The following CSMD2 variants were observed in gnomAD, a reference collection of about 807,000 sequenced individuals.
CSMD2 encodes the protein CUB and Sushi multiple domains 2.
CSMD2 carries 130 observed loss-of-function variants against 398.5 expected under a neutral mutation model. The ratio of observed to expected loss-of-function variants is 0.33; its 90% CI spans 0.28 to 0.38. The LOEUF (loss-of-function observed/expected upper bound fraction) is 0.38. Ranked by LOEUF, CSMD2 falls within the 10% of genes least tolerant of loss-of-function variation. CSMD2 has a pLI of 1.00. For missense variants in CSMD2, 3,829 were observed against 4,764.9 expected (o/e 0.80, Z 5.78); for synonymous variants, 1,828 against 1,908.5 (o/e 0.96, Z 1.10).
chr1:34,032,469 G>A lies in CSMD2; in HGVS notation c.517+125C>T, dbSNP rs1650571641. 21 of 589,026 alleles carry A rather than the reference G, an allele frequency of 3.6e-5. No individual in the cohort carries two copies. The East Asian group carries it at 6.8e-4, about 19-fold the overall frequency. The allele number at this position is 589,026 out of a possible 1,614,324, so 36.5% of individuals were successfully genotyped here. A position where few individuals can be genotyped will look rare whatever the true frequency, so the allele number is the denominator to read the frequency against. ...GAGTTACTGGTTAGTAACCAGCCTT[G>A]TCAGGACAGGCGCAAGCTCTGGGTC... On this transcript the variant is annotated intron_variant, in intron 3 of 70. Transcript: ENST00000373381.
rs1356195659 is a variant in CSMD2, at chr1:33,537,097, T to G, written c.9806-2A>C. The G allele has an allele frequency of 6.2e-7, 1 of 1,614,140 alleles. No individual in the cohort carries two copies. The highest frequency in any genetic ancestry group is 1.7e-4 in the Middle Eastern group (1 of 6,060). ...CCGCACACGTGGTCAGGGTCGGATCTGGATGGCCAAAACAAAGACACAGAT... is the reference window on the plus strand; with the variant it reads ...CCGCACACGTGGTCAGGGTCGGATCGGGATGGCCAAAACAAAGACACAGAT... On this transcript the variant is annotated splice_acceptor_variant, in intron 61 of 70. Transcript: ENST00000373381. LOFTEE classifies it high-confidence loss of function. This position sits in a 1 kb window ranked among gnomAD's most constrained non-coding sequence, Gnocchi z 4.6.
chr1:33,779,432 G>T (rs993662675), intron 12 of CSMD2, among the ~76,000 whole-genome samples: 1 of 152,172 alleles, frequency 6.6e-6, no homozygotes, highest in Admixed American at 6.5e-5. Context: ...GTTGTTGTGA[G>T]GATTAAATGA....
chr1:33,657,026 T>G (rs1037027938), intron 27 of CSMD2, among the ~76,000 whole-genome samples: 6 of 152,238 alleles, frequency 3.9e-5, no homozygotes, highest in African/African-American at 1.4e-4. Context: ...TACCTTTCTT[T>G]CCCATCCCAG....
intron 12 of CSMD2, among the ~76,000 whole-genome samples, chr1:33,783,853 T>A (rs1653155925): frequency 6.6e-6 from 1 of 152,196 alleles, no homozygotes; most frequent in Non-Finnish European, 1.5e-5. Flanking sequence ...AACCACCCAG[T>A]CTTTTTTGTT....
intron 41 of CSMD2, among the ~76,000 whole-genome samples, chr1:33,607,867 C>T (rs376709632): frequency 1.3e-5 from 2 of 152,314 alleles, no homozygotes; most frequent in South Asian, 2.1e-4. Flanking sequence ...CATTGGATGT[C>T]GCTGTGCCTC....
In CSMD2 at chr1:34,164,908, C is replaced by A; in HGVS notation, c.187+3G>T. 8.2e-7 allele frequency: 1 copy of A among 1,219,460 alleles called. No individual in the cohort carries two copies. Among genetic ancestry groups the A allele is most frequent in the Non-Finnish European group, 1.0e-6 (1 of 980,134 alleles). The allele number at this position is 1,219,460 out of a possible 1,614,324, so 75.5% of individuals were successfully genotyped here. A position where few individuals can be genotyped will look rare whatever the true frequency, so the allele number is the denominator to read the frequency against. On this transcript the variant is annotated splice_donor_region_variant and intron_variant, in intron 1 of 70. Transcript: ENST00000373381. This position sits in a 1 kb window ranked among gnomAD's most constrained non-coding sequence, Gnocchi z 6.2. ...GCTGGCTCCTCGGCGCGGCTGGACT[C>A]ACCCGCGGCGGCCGAGACGCTGAGC...
chr1:33,568,471 G>GCCA (rs1195169440), intron 52 of CSMD2, among the ~76,000 whole-genome samples: 1 of 152,194 alleles, frequency 6.6e-6, no homozygotes, highest in East Asian at 1.9e-4. Flanking sequence ...ACAGGCGTGA[G>GCCA]CCACCACACC....
chr1:33,988,794 G>C (rs1244043660), intron 3 of CSMD2, among the ~76,000 whole-genome samples: 1 of 151,638 alleles, frequency 6.6e-6, no homozygotes, highest in Middle Eastern at 3.4e-3. Flanking sequence ...TTCAAAATAC[G>C]ATCTGCTAAT....
intron 64 of CSMD2, among the ~76,000 whole-genome samples, chr1:33,531,692 G>A (rs1655249737): frequency 6.6e-6 from 1 of 152,208 alleles, no homozygotes; most frequent in Non-Finnish European, 1.5e-5. Flanking sequence ...AAAACATTAT[G>A]CTAAGGGAAA....
intron 25 of CSMD2, among the ~76,000 whole-genome samples, chr1:33,671,971 C>T (rs1041921051): frequency 2.6e-4 from 39 of 149,040 alleles, no homozygotes; most frequent in African/African-American, 8.9e-4. Flanking sequence ...ATCTCTATCC[C>T]ATTGCAAATT....
At chr1:33,552,839 A>C (rs1327438084) in intron 55 of CSMD2, among the ~76,000 whole-genome samples, 1 of 152,168 alleles carries the variant, frequency 6.6e-6, no homozygotes, top group East Asian at 1.9e-4. Context: ...AGTGTTCTGG[A>C]ATTAGACAGT....
At chr1:33,936,939 G>A (rs961672188) in intron 3 of CSMD2, among the ~76,000 whole-genome samples, 7 of 152,226 alleles carry the variant, frequency 4.6e-5, no homozygotes, top group Non-Finnish European at 7.3e-5. Flanking sequence ...GAGAGGCCAT[G>A]CAGCCGGATG....
At chr1:33,695,131 G>A (rs1391459314) in intron 24 of CSMD2, among the ~76,000 whole-genome samples, 1 of 152,154 alleles carries the variant, frequency 6.6e-6, no homozygotes, top group African/African-American at 2.4e-5. Flanking sequence ...GGGAAGGAGG[G>A]CACTGCAGAG....
intron 14 of CSMD2, among the ~76,000 whole-genome samples, chr1:33,742,580 C>T (rs542900133): frequency 1.8e-5 from 2 of 111,134 alleles, no homozygotes; most frequent in Non-Finnish European, 3.6e-5. Flanking sequence ...AGCTTCTGCC[C>T]CCCCCCCCCC....
intron 37 of CSMD2, among the ~76,000 whole-genome samples, chr1:33,619,826 A>G (rs1242801391): frequency 6.6e-6 from 1 of 152,232 alleles, no homozygotes; most frequent in Non-Finnish European, 1.5e-5. Flanking sequence ...AGCATTAAAA[A>G]AAACCCATCA....
Position 33,803,831 on chromosome 1 carries a change from C to T in CSMD2, c.1446+6912G>A, listed in dbSNP as rs1655902003. On this transcript the variant is annotated intron_variant, in intron 10 of 70. Transcript: ENST00000373381. ...TAATTTTCCAAAAACTCAGATCTTCCTGCTATTGCTTTAGTTCAGGAGATA... is the reference window on the plus strand; with the variant it reads ...TAATTTTCCAAAAACTCAGATCTTCTTGCTATTGCTTTAGTTCAGGAGATA... Among the ~76,000 whole-genome samples, 3 of 152,350 alleles carry T rather than the reference C, an allele frequency of 2.0e-5. No individual in the cohort carries two copies. In the South Asian group the frequency reaches 6.2e-4, roughly 32 times the overall value.
rs1382148793 is a variant in CSMD2, at chr1:33,920,564, A to AAG, written c.713-2265_713-2264dup. Among the ~76,000 whole-genome samples the AAG allele has an allele frequency of 3.0e-3, 439 of 144,666 alleles. 17 individuals carry two copies. The highest frequency in any genetic ancestry group is 4.2e-3 in the Non-Finnish European group (273 of 65,388). 94.9% of individuals were successfully genotyped at this position (144,666 alleles called of 152,430 possible). ...TCTCAAAAAAAAAAAAAAAAAAAAA[A>AAG]AGAGACCCAAAGGGCTGGAATGCAG... is the stretch of plus-strand genomic sequence containing the variant. On this transcript the variant is annotated intron_variant, in intron 4 of 70. Coordinates refer to ENST00000373381, the MANE Select transcript of CSMD2 (RefSeq NM_001281956.2).
At chr1:33,647,453 A>G (rs185110010) in intron 28 of CSMD2, among the ~76,000 whole-genome samples, 1 of 152,338 alleles carries the variant, frequency 6.6e-6, no homozygotes, top group Admixed American at 6.5e-5. Flanking sequence ...AGCAAATTGA[A>G]TATTAGAGTT....
At chr1:33,756,323 C>A (rs1304007496) in intron 13 of CSMD2, among the ~76,000 whole-genome samples, 1 of 152,162 alleles carries the variant, frequency 6.6e-6, no homozygotes, top group African/African-American at 2.4e-5. Context: ...AGTGACGGAG[C>A]ACCTGCTATG....
Sources: allele counts gnomAD v4.1 joint callset (sites outside exome capture counted in the v4.1 genomes callset), GRCh38; gene constraint gnomAD v4.1.1; non-coding constraint Gnocchi (gnomAD v3.1); transcripts MANE v1.5; gene names NCBI Gene and HGNC (gene_info 2026-07-23, HGNC 2026-07-21).